Variants in R3HDM1 observed in about 807,000 individuals in gnomAD.
The protein encoded by R3HDM1 is R3H domain-containing protein 1.
A neutral mutation model predicts 141.1 loss-of-function variants in R3HDM1; 46 were observed. The ratio of observed to expected loss-of-function variants is 0.33; its 90% confidence interval spans 0.26 to 0.42. R3HDM1 has a LOEUF of 0.42. Among genes scored for constraint, R3HDM1 ranks in the 10% least tolerant of loss-of-function variants. The pLI, the probability that R3HDM1 is intolerant of heterozygous loss-of-function variation, is 1.00. For missense variants in R3HDM1, 1,184 were observed against 1,368.3 expected, an observed-to-expected ratio of 0.87 and a Z score of 2.12; for synonymous variants, 435 against 472.9, an observed-to-expected ratio of 0.92 and a Z score of 1.04.
intron 20 of R3HDM1, among the ~76,000 whole-genome samples, chr2:135,678,908 C>T (rs1184501734): frequency 2.0e-5 from 3 of 151,352 alleles, no homozygotes; most frequent in Admixed American, 1.3e-4. Context: ...TACAGGCACG[C>T]GCCACTACTC....
At chr2:135,541,269 C>T (rs1697425339) in intron 1 of R3HDM1, among the ~76,000 whole-genome samples, 1 of 152,048 alleles carries the variant, frequency 6.6e-6, no homozygotes, top group African/African-American at 2.4e-5. Flanking sequence ...AGCGCAATCT[C>T]GGCTCACTGC....
chr2:135,551,383 C>T (rs1296875699), intron 1 of R3HDM1, among the ~76,000 whole-genome samples: 1 of 152,056 alleles, frequency 6.6e-6, no homozygotes, highest in African/African-American at 2.4e-5. Flanking sequence ...TAAAACTATT[C>T]GGGACCATTT....
chr2:135,580,113 G>C (rs574632698), intron 1 of R3HDM1, among the ~76,000 whole-genome samples: 2 of 152,142 alleles, frequency 1.3e-5, no homozygotes, highest in Non-Finnish European at 2.9e-5. Context: ...AGCCGGGCAT[G>C]GTGGCATGCA....
chr2:135,610,436 C>T (rs1021772690), intron 3 of R3HDM1, among the ~76,000 whole-genome samples: 1 of 152,160 alleles, frequency 6.6e-6, no homozygotes, highest in Non-Finnish European at 1.5e-5. Flanking sequence ...AGTCAATTTT[C>T]CATACACAGA....
chr2:135,618,463 A>AATT (rs1301257504), intron 5 of R3HDM1, among the ~76,000 whole-genome samples: 1,761 of 124,104 alleles, frequency 0.014, 38 homozygotes, highest in African/African-American at 0.051. Context: ...CGCCCGGCTG[A>AATT]TTTTTTTTTT....
intron 5 of R3HDM1, among the ~76,000 whole-genome samples, chr2:135,619,988 T>A (rs1004370424): frequency 6.6e-6 from 1 of 152,198 alleles, no homozygotes; most frequent in Non-Finnish European, 1.5e-5. Context: ...TTAAAATATA[T>A]CTTGTTTATT....
At chr2:135,647,039 C>T (rs2064535991) in intron 16 of R3HDM1, among the ~76,000 whole-genome samples, 1 of 152,100 alleles carries the variant, frequency 6.6e-6, no homozygotes, top group South Asian at 2.1e-4. Context: ...AATTGTACTT[C>T]TGGCAATTAA....
intron 18 of R3HDM1, among the ~76,000 whole-genome samples, chr2:135,660,792 G>A (rs1289011912): frequency 2.0e-5 from 3 of 150,150 alleles, no homozygotes; most frequent in African/African-American, 7.4e-5. Flanking sequence ...GTTGCAGTGA[G>A]CCAAGATGGC....
chr2:135,616,577 T>C (rs2061040598), intron 4 of R3HDM1, 91 bp from the exon 5 acceptor site: 1 of 1,098,628 alleles, frequency 9.1e-7, no homozygotes. Flanking sequence ...TGGCAGAAAC[T>C]ATAAAGAAAC....
At chr2:135,598,547 A>G (rs561745364) in intron 1 of R3HDM1, among the ~76,000 whole-genome samples, 1 of 152,298 alleles carries the variant, frequency 6.6e-6, no homozygotes, top group East Asian at 1.9e-4. Context: ...AGAGCCTGAA[A>G]TGGAGCACTA....
chr2:135,721,117 T>C (rs1295094109), intron 24 of R3HDM1, among the ~76,000 whole-genome samples: 3 of 152,224 alleles, frequency 2.0e-5, no homozygotes, highest in Non-Finnish European at 1.5e-5. Flanking sequence ...TAACCACTGT[T>C]ATTAGTCCTT....
At position 135,638,909 on chromosome 2, in the gene R3HDM1, G is replaced by T. The variant is rs1275963232; in HGVS notation, c.1006G>T (p.Ala336Ser). The change falls in exon 14 of 27, where the codon GCT becomes TCT. Residue 336 changes from alanine to serine, a missense_variant. Physicochemically the swap from Ala to Ser is moderately conservative, Grantham distance 99 (BLOSUM62 1). This residue lies in a region of R3HDM1 where 240 missense variants were observed against 312.3 expected (regional missense o/e 0.77). Transcript: ENST00000683871. ...TCTAAATTACAGAGTTAATAAAGAT[G>T]CTTCAGGGAGATCTACAAATAGCCA... ...RRQIFRVNKD[A>S]SGRSTNSHQS... 1 of 1,613,560 alleles carries T rather than the reference G, an allele frequency of 6.2e-7. No homozygotes were observed. Among genetic ancestry groups the T allele is most frequent in the Non-Finnish European group, 8.5e-7 (1 of 1,179,840 alleles).
At chr2:135,681,172 A>G (rs1165598921) in intron 21 of R3HDM1, among the ~76,000 whole-genome samples, 1 of 152,160 alleles carries the variant, frequency 6.6e-6, no homozygotes, top group African/African-American at 2.4e-5. Context: ...GGGTCCCTTT[A>G]GTTCATTGTT....
At chr2:135,715,169 G>T (rs2076042215) in intron 23 of R3HDM1, among the ~76,000 whole-genome samples, 1 of 152,134 alleles carries the variant, frequency 6.6e-6, no homozygotes, top group Non-Finnish European at 1.5e-5. Flanking sequence ...CTAACACAGG[G>T]AAACCTCATC....
In R3HDM1 at chr2:135,566,841, G is replaced by A. The variant is rs144478685; in HGVS notation, c.-250+35208G>A. 43 of 849,888 alleles carry A rather than the reference G, an allele frequency of 5.1e-5. No homozygotes were observed. In the East Asian group the frequency reaches 4.0e-3, roughly 80 times the overall value. The allele number at this position is 849,888 out of a possible 1,614,324, so 52.6% of individuals were successfully genotyped here. A position where few individuals can be genotyped will look rare whatever the true frequency, so the allele number is the denominator to read the frequency against. On this transcript the variant is annotated intron_variant, in intron 1 of 26. Coordinates refer to ENST00000683871, the MANE Select transcript of R3HDM1 (RefSeq NM_001378107.1). ...TACGAAAATTAGCCAGCATGATGGC[G>A]GGTACCTGTAATCCCAGCTACTTGG...
chr2:135,663,966 G>A (rs569570239), intron 19 of R3HDM1, among the ~76,000 whole-genome samples: 8 of 151,630 alleles, frequency 5.3e-5, no homozygotes, highest in South Asian at 2.1e-4. Flanking sequence ...CCTAGGAGGC[G>A]GAGGTTCCAG....
intron 7 of R3HDM1, chr2:135,623,109 A>G (rs2061661321): frequency 2.2e-6 from 2 of 903,638 alleles, no homozygotes; most frequent in African/African-American, 1.8e-5. Context: ...TTTTAAATGC[A>G]AAGTTTTTGT....
chr2:135,642,817 A>G (rs1351041194), intron 15 of R3HDM1, among the ~76,000 whole-genome samples: 3 of 152,132 alleles, frequency 2.0e-5, no homozygotes, highest in East Asian at 1.9e-4. Context: ...TCTTTTTAAG[A>G]CGAAGTATGC....
Position 135,639,012 on chromosome 2 carries a change from G to T in R3HDM1, c.1109G>T (p.Arg370Leu). ...AGCACAGATTCAGACAGCTCTCTTC[G>T]AAACCTGAAACCTGCTGTAACCAAA... ...WSSTDSDSSL[R>L]NLKPAVTKAS... Residue 370 changes from arginine (R) to leucine (L), a missense_variant, in exon 14 of 27, where the codon CGA (arginine) becomes CTA (leucine). Around this residue, in one of 5 missense-constraint regions of R3HDM1, gnomAD observed 240 missense variants for 312.3 expected, o/e 0.77. Transcript: ENST00000683871. 1 of 1,614,114 alleles carries T rather than the reference G, an allele frequency of 6.2e-7. No homozygotes were observed. Among genetic ancestry groups the T allele is most frequent in the South Asian group, 1.1e-5 (1 of 91,076 alleles).
Sources: allele counts gnomAD v4.1 joint callset (sites outside exome capture counted in the v4.1 genomes callset), GRCh38; gene constraint gnomAD v4.1.1; regional missense constraint gnomAD v4.1.1; transcripts MANE v1.5; gene names NCBI Gene and HGNC (gene_info 2026-07-23, HGNC 2026-07-21).